The following TACR1 variants were observed in gnomAD, a reference collection of about 807,000 sequenced individuals.
TACR1 encodes the protein substance-P receptor.
TACR1 carries 25 observed loss-of-function variants against 35.8 expected under a neutral mutation model. The ratio of observed to expected loss-of-function variants is 0.70; its 90% confidence interval spans 0.51 to 0.98. TACR1 has a LOEUF of 0.98. Ranked by LOEUF, TACR1 falls within the 50% of genes least tolerant of loss-of-function variation. TACR1 has a pLI of 0.00. For missense variants in TACR1, 478 were observed against 522.9 expected (o/e 0.91, Z 0.84); for synonymous variants, 195 against 206.7 (o/e 0.94, Z 0.48).
intron 1 of TACR1, among the ~76,000 whole-genome samples, chr2:75,175,500 C>A (rs553729635): frequency 6.6e-6 from 1 of 152,162 alleles, no homozygotes; most frequent in Non-Finnish European, 1.5e-5. Flanking sequence ...TGCAGAGACT[C>A]TAGGAGAATA....
intron 2 of TACR1, among the ~76,000 whole-genome samples, chr2:75,075,924 T>C (rs1021586843): frequency 2.0e-5 from 3 of 152,228 alleles, no homozygotes; most frequent in Non-Finnish European, 4.4e-5. Context: ...CATAAAGCTA[T>C]AACTTGTTTG....
chr2:75,144,865 G>A (rs1241137838), intron 1 of TACR1, among the ~76,000 whole-genome samples: 1 of 152,156 alleles, frequency 6.6e-6, no homozygotes, highest in African/African-American at 2.4e-5. Flanking sequence ...CTGATGATTT[G>A]AAAGTCCACT....
At chr2:75,087,353 C>T (rs1409606701) in intron 2 of TACR1, among the ~76,000 whole-genome samples, 1 of 152,154 alleles carries the variant, frequency 6.6e-6, no homozygotes, top group Non-Finnish European at 1.5e-5. Context: ...GAAGATATCC[C>T]AGTAGTTCTT....
chr2:75,058,275 A>T (rs78784069), intron 2 of TACR1, among the ~76,000 whole-genome samples: 2,531 of 152,290 alleles, frequency 0.017, 74 homozygotes, highest in African/African-American at 0.058. Context: ...TTTTAAAATC[A>T]TATCTTGTAG....
intron 1 of TACR1, among the ~76,000 whole-genome samples, chr2:75,123,744 A>G (rs1446562493): frequency 4.6e-5 from 7 of 150,892 alleles, no homozygotes; most frequent in African/African-American, 1.5e-4. Context: ...CTCTCTTGCA[A>G]TCCTCATTTC....
chr2:75,198,264 C>T (rs2103643913), intron 1 of TACR1, among the ~76,000 whole-genome samples: 1 of 151,812 alleles, frequency 6.6e-6, no homozygotes, highest in Non-Finnish European at 1.5e-5. Flanking sequence ...TTGAAAGTGT[C>T]AGGAAGATGA....
At chr2:75,079,034 A>G (rs980464377) in intron 2 of TACR1, among the ~76,000 whole-genome samples, 1 of 152,060 alleles carries the variant, frequency 6.6e-6, no homozygotes, top group Non-Finnish European at 1.5e-5. Context: ...TTGAGGTCCT[A>G]CCAGTGCTGG....
chr2:75,192,165 C>T (rs991173248), intron 1 of TACR1, among the ~76,000 whole-genome samples: 13 of 152,034 alleles, frequency 8.6e-5, no homozygotes, highest in Admixed American at 8.5e-4. Flanking sequence ...TAACTCTGTT[C>T]TGGTCATCTC....
intron 2 of TACR1, among the ~76,000 whole-genome samples, chr2:75,090,334 T>C (rs1453769362): frequency 1.3e-5 from 2 of 152,222 alleles, no homozygotes; most frequent in South Asian, 2.1e-4. Flanking sequence ...GAAAGACTGG[T>C]TCAGGCCATG....
chr2:75,156,660 C>CCCTTCCAA (rs202088381), intron 1 of TACR1, among the ~76,000 whole-genome samples: 2,979 of 151,626 alleles, frequency 0.02, 51 homozygotes, highest in Admixed American at 0.054. Context: ...GGCAGCACAG[C>CCCTTCCAA]CCTTCCAACA....
At chr2:75,049,789 G>C (rs1672433050) in intron 4 of TACR1, 66 bp from the exon 5 acceptor site, 1 of 1,506,890 alleles carries the variant, frequency 6.6e-7, no homozygotes, top group Middle Eastern at 1.8e-4. Flanking sequence ...GCCCACCACT[G>C]CATCAGCTTG....
In TACR1 at chr2:75,079,157, T is replaced by C. The variant is rs959928972; in HGVS notation, c.585-25402A>G. On this transcript the variant is annotated intron_variant, in intron 2 of 4. Transcript: ENST00000305249. ...TATACCTTCACATCCCTTCCATTCATTTGTCCTAATTTTGCTCTCTGGAGC... is the reference window on the plus strand; with the variant it reads ...TATACCTTCACATCCCTTCCATTCACTTGTCCTAATTTTGCTCTCTGGAGC... Among the ~76,000 whole-genome samples, 6 of 152,140 alleles carry C rather than the reference T, an allele frequency of 3.9e-5. No individual in the cohort carries two copies. The East Asian group carries it at 9.6e-4, about 24-fold the overall frequency.
At chr2:75,103,135 TTTG>T (rs1377230918) in intron 2 of TACR1, among the ~76,000 whole-genome samples, 8 of 152,302 alleles carry the variant, frequency 5.3e-5, no homozygotes, top group African/African-American at 1.9e-4. Flanking sequence ...TTTGACAGTG[TTTG>T]TTAAGTTGTT....
chr2:75,174,612 A>G (rs10203484), intron 1 of TACR1, among the ~76,000 whole-genome samples: 97,730 of 152,052 alleles, frequency 0.64, 31,977 homozygotes, highest in African/African-American at 0.7. Context: ...AACTGCAGAA[A>G]TGGAAACCGT....
intron 1 of TACR1, among the ~76,000 whole-genome samples, chr2:75,175,738 A>G (rs1243814559): frequency 2.0e-5 from 3 of 152,064 alleles, no homozygotes; most frequent in Admixed American, 1.3e-4. Context: ...CAATATCCTT[A>G]GCTTAATCAC....
chr2:75,097,917 A>T (rs1292576389), intron 2 of TACR1, among the ~76,000 whole-genome samples: 2 of 152,218 alleles, frequency 1.3e-5, no homozygotes, highest in Non-Finnish European at 2.9e-5. Flanking sequence ...CCCAGTTTGT[A>T]GCATTCTGTG....
chr2:75,164,565 G>A (rs181461070), intron 1 of TACR1, among the ~76,000 whole-genome samples: 2 of 152,224 alleles, frequency 1.3e-5, no homozygotes, highest in Non-Finnish European at 2.9e-5. Flanking sequence ...AATAGTCTTG[G>A]AAGAAAATGA....
At chr2:75,084,670 C>T (rs572332020) in intron 2 of TACR1, among the ~76,000 whole-genome samples, 141 of 152,150 alleles carry the variant, frequency 9.3e-4, no homozygotes, top group Admixed American at 1.9e-3. Flanking sequence ...GTGTATGTGT[C>T]GAGGAATTTA....
chr2:75,122,811 C>T (rs1260244305), intron 1 of TACR1, among the ~76,000 whole-genome samples: 2 of 152,184 alleles, frequency 1.3e-5, no homozygotes, highest in Admixed American at 6.5e-5. Flanking sequence ...CTTTAGGTTA[C>T]CCCAAAATGG....
Sources: gnomAD v4.1 joint callset for allele counts (sites outside exome capture counted in the v4.1 genomes callset) on GRCh38, gnomAD v4.1.1 for gene constraint, MANE v1.5 for transcripts, NCBI Gene and HGNC (gene_info 2026-07-23, HGNC 2026-07-21) for gene names.